The following FGF12 variants were observed in gnomAD, a reference collection of about 807,000 sequenced individuals.
FGF12 encodes fibroblast growth factor 12.
In FGF12, 14 loss-of-function variants were observed where a neutral mutation model predicts 23.6. The ratio of observed to expected loss-of-function variants is 0.59; its 90% CI spans 0.39 to 0.93. The LOEUF is 0.93. Ranked by LOEUF, FGF12 falls within the 40% of genes least tolerant of loss-of-function variation. The pLI, the probability that FGF12 is intolerant of heterozygous loss-of-function variation, is 0.00. For missense variants in FGF12, 175 were observed against 217.8 expected (o/e 0.80, Z 1.24); for synonymous variants, 62 against 77.3 (o/e 0.80, Z 1.04).
chr3:192,598,223 G>A (rs1426339437), intron 2 of FGF12, among the ~76,000 whole-genome samples: 1 of 152,152 alleles, frequency 6.6e-6, no homozygotes, highest in African/African-American at 2.4e-5. Flanking sequence ...AAGCTAACAT[G>A]ACACCAAATG....
At chr3:192,649,968 G>A (rs1000772613) in intron 2 of FGF12, among the ~76,000 whole-genome samples, 1 of 152,168 alleles carries the variant, frequency 6.6e-6, no homozygotes, top group Admixed American at 6.6e-5. Flanking sequence ...AGCAGCTTCA[G>A]GGGATAAGTT....
At chr3:192,309,730 T>C (rs1715839138) in intron 4 of FGF12, among the ~76,000 whole-genome samples, 2 of 151,912 alleles carry the variant, frequency 1.3e-5, no homozygotes, top group Non-Finnish European at 2.9e-5. Context: ...CATGGAAAGT[T>C]GAGATATATG....
chr3:192,164,793 T>C (rs1391284814), intron 5 of FGF12, among the ~76,000 whole-genome samples: 1 of 152,120 alleles, frequency 6.6e-6, no homozygotes, highest in Admixed American at 6.6e-5. Flanking sequence ...CTTTAAACAT[T>C]ACAAACAAAA....
intron 2 of FGF12, among the ~76,000 whole-genome samples, chr3:192,664,303 T>C (rs990588233): frequency 6.6e-6 from 1 of 152,048 alleles, no homozygotes; most frequent in Non-Finnish European, 1.5e-5. Flanking sequence ...TGTGAGCACT[T>C]CCTGTTTTAA....
chr3:192,646,168 A>T (rs761617162), intron 2 of FGF12, among the ~76,000 whole-genome samples: 2 of 152,146 alleles, frequency 1.3e-5, no homozygotes, highest in Non-Finnish European at 2.9e-5. Context: ...GGGTTAGTTC[A>T]AAGAGATCTA....
chr3:192,565,718 T>C (rs1712243534), intron 2 of FGF12, among the ~76,000 whole-genome samples: 1 of 152,218 alleles, frequency 6.6e-6, no homozygotes, highest in Non-Finnish European at 1.5e-5. Flanking sequence ...TTTGTGTTAG[T>C]ATGCCCCACA....
chr3:192,567,293 T>C (rs544323253), intron 2 of FGF12, among the ~76,000 whole-genome samples: 14 of 152,084 alleles, frequency 9.2e-5, no homozygotes, highest in African/African-American at 2.4e-4. Context: ...GCTTTTTTAA[T>C]AGAACTGGGA....
At chr3:192,717,374 T>C (rs1232427600) in intron 2 of FGF12, among the ~76,000 whole-genome samples, 2 of 152,176 alleles carry the variant, frequency 1.3e-5, no homozygotes, top group Non-Finnish European at 2.9e-5. Context: ...TTTATGAGGC[T>C]TAAGTGAGTC....
intron 3 of FGF12, 78 bp from the exon 4 acceptor site, chr3:192,335,542 G>A: frequency 2.2e-6 from 2 of 906,304 alleles, no homozygotes; most frequent in South Asian, 1.4e-5. Flanking sequence ...ATTCTTTTGA[G>A]AATTAAAACC....
At chr3:192,461,648 A>G (rs1267273041) in intron 2 of FGF12, among the ~76,000 whole-genome samples, 1 of 152,188 alleles carries the variant, frequency 6.6e-6, no homozygotes, top group Non-Finnish European at 1.5e-5. Context: ...GACCCTAAAC[A>G]GAAGTATGTG....
rs564534929 is a variant in FGF12 at position 192,581,820 on chromosome 3, C to T, written c.13+145361G>A. On this transcript the variant is annotated intron_variant, in intron 2 of 5. Transcript: ENST00000445105. ...ACATGGCATGGTGAATTCTTAATTA[C>T]TCAATGTGCTGAGCACAGTTATCTC... 4.6e-5 allele frequency among the ~76,000 whole-genome samples: 7 copies of T among 152,164 alleles called. No homozygotes were observed. The East Asian group carries it at 1.4e-3, about 29-fold the overall frequency.
At chr3:192,423,148 A>G (rs1322981542) in intron 2 of FGF12, among the ~76,000 whole-genome samples, 1 of 152,150 alleles carries the variant, frequency 6.6e-6, no homozygotes, top group Admixed American at 6.6e-5. Flanking sequence ...CTGCTTCTGA[A>G]GCAGAATCAG....
At chr3:192,195,998 C>T (rs1000309419) in intron 4 of FGF12, among the ~76,000 whole-genome samples, 4 of 152,172 alleles carry the variant, frequency 2.6e-5, no homozygotes, top group Non-Finnish European at 5.9e-5. Context: ...CTTTGAGGAA[C>T]ATTTCTCCAT....
intron 3 of FGF12, among the ~76,000 whole-genome samples, chr3:192,340,966 C>T (rs980707702): frequency 6.6e-6 from 1 of 152,024 alleles, no homozygotes; most frequent in Non-Finnish European, 1.5e-5. Flanking sequence ...AGTGGGATTA[C>T]ATTAAACTAA....
At chr3:192,147,017 A>G (rs2108580602) in intron 5 of FGF12, among the ~76,000 whole-genome samples, 1 of 152,336 alleles carries the variant, frequency 6.6e-6, no homozygotes, top group South Asian at 2.1e-4. Context: ...GACAAGTAAA[A>G]GGTAGGTTTT....
intron 2 of FGF12, among the ~76,000 whole-genome samples, chr3:192,391,502 G>A (rs1720292648): frequency 6.6e-6 from 1 of 152,048 alleles, no homozygotes; most frequent in Non-Finnish European, 1.5e-5. Context: ...CTGTGCAGAG[G>A]GATAAAGTGA....
intron 2 of FGF12, among the ~76,000 whole-genome samples, chr3:192,635,834 T>TTAAA (rs1715560711): frequency 1.3e-5 from 2 of 152,224 alleles, no homozygotes; most frequent in African/African-American, 2.4e-5. Flanking sequence ...GATGTAGAAC[T>TTAAA]GATTCTCTTT....
chr3:192,561,446 T>C (rs1488916293), intron 2 of FGF12, among the ~76,000 whole-genome samples: 1 of 151,906 alleles, frequency 6.6e-6, no homozygotes, highest in Non-Finnish European at 1.5e-5. Flanking sequence ...CACTGTAACC[T>C]CCACCTCCTG....
intron 2 of FGF12, among the ~76,000 whole-genome samples, chr3:192,532,966 C>G (rs932706507): frequency 2.6e-5 from 4 of 152,126 alleles, no homozygotes; most frequent in African/African-American, 9.7e-5. Context: ...ATTTCTCCTA[C>G]ACACCATCAC....
Sources: gnomAD v4.1 joint callset for allele counts (sites outside exome capture counted in the v4.1 genomes callset) on GRCh38, gnomAD v4.1.1 for gene constraint, MANE v1.5 for transcripts, NCBI Gene and HGNC (gene_info 2026-07-23, HGNC 2026-07-21) for gene names.